The following TGFBR2 variants were observed in gnomAD, a reference collection of about 807,000 sequenced individuals.
TGFBR2 encodes transforming growth factor beta receptor 2.
A neutral mutation model predicts 49.0 loss-of-function variants in TGFBR2; 18 were observed. That is an observed-to-expected ratio of 0.37 (90% CI 0.25 to 0.54). The LOEUF (loss-of-function observed/expected upper bound fraction) is 0.54, where lower values mean the gene tolerates loss of function less well. TGFBR2 is among the 20% of genes least tolerant of loss of function. The pLI is 0.85. For missense variants in TGFBR2, 525 were observed against 722.6 expected (o/e 0.73, Z 3.13); for synonymous variants, 282 against 275.9 (o/e 1.02, Z -0.22).
Position 30,691,568 on chromosome 3 carries a change from C to T in TGFBR2, c.1673C>T (p.Pro558Leu). ...SGRSCSEEKI[P>L]EDGSLNTTK ...AGGAGCTGCTCGGAGGAGAAGATTC[C>T]TGAAGACGGCTCCCTAAACACTACC... The change falls in exon 7 of 7, where the codon CCT becomes CTT. Residue 558 changes from proline to leucine, a missense_variant. Around this residue, in one of 3 missense-constraint regions of TGFBR2, gnomAD observed 104 missense variants for 133.4 expected, o/e 0.78. Transcript: ENST00000295754. 1.9e-6 allele frequency: 3 copies of T among 1,614,128 alleles called. No homozygotes were observed. Among genetic ancestry groups the T allele is most frequent in the Non-Finnish European group, 8.5e-7 (1 of 1,179,992 alleles).
chr3:30,640,665 A>G (rs1185695948), intron 1 of TGFBR2, among the ~76,000 whole-genome samples: 1 of 150,742 alleles, frequency 6.6e-6, no homozygotes, highest in Non-Finnish European at 1.5e-5. Flanking sequence ...TTTTAAAAAA[A>G]TATTTTGCAT....
At chr3:30,654,885 G>A (rs1698965497) in intron 3 of TGFBR2, among the ~76,000 whole-genome samples, 1 of 152,194 alleles carries the variant, frequency 6.6e-6, no homozygotes, top group Non-Finnish European at 1.5e-5. Context: ...GTTTCCAAGT[G>A]CAGTCAGACA....
In TGFBR2 at chr3:30,672,480, G is replaced by T; in HGVS notation, c.1254+43G>T. The stretch of plus-strand genomic sequence containing the variant: ...CTAGATCCCCTTTACCTTGAGCCTG[G>T]CCTCACCCTACCTCTTGATCCATAT... On this transcript the variant is annotated intron_variant, in intron 4 of 6. Coordinates refer to ENST00000295754, the MANE Select transcript of TGFBR2 (RefSeq NM_003242.6). The surrounding 1 kb of genome is among the most constrained non-coding windows in gnomAD (Gnocchi z 4.5). 1.9e-6 allele frequency: 3 copies of T among 1,596,018 alleles called. No individual in the cohort carries two copies. The highest frequency in any genetic ancestry group is 2.6e-6 in the Non-Finnish European group (3 of 1,163,766).
At chr3:30,607,366 C>G (rs1324449885) in intron 1 of TGFBR2, among the ~76,000 whole-genome samples, 1 of 152,200 alleles carries the variant, frequency 6.6e-6, no homozygotes, top group African/African-American at 2.4e-5. Context: ...GCACCTGGGC[C>G]ACTCCGCCCA....
chr3:30,669,280 G>A (rs1575156433), intron 3 of TGFBR2, among the ~76,000 whole-genome samples: 1 of 151,514 alleles, frequency 6.6e-6, no homozygotes, highest in Non-Finnish European at 1.5e-5. Flanking sequence ...AAAAAAAAAA[G>A]AAAGTATCAG....
chr3:30,646,685 T>TA (rs1044388632), intron 2 of TGFBR2, among the ~76,000 whole-genome samples: 1 of 152,072 alleles, frequency 6.6e-6, no homozygotes, highest in African/African-American at 2.4e-5. Flanking sequence ...TGGATGACCA[T>TA]ATGTCAAATA....
At chr3:30,666,372 C>T (rs1699243152) in intron 3 of TGFBR2, among the ~76,000 whole-genome samples, 1 of 152,084 alleles carries the variant, frequency 6.6e-6, no homozygotes, top group African/African-American at 2.4e-5. Context: ...GGGGGTTCTC[C>T]TTCACATAAA....
At chr3:30,690,466 G>A (rs929741751) in intron 6 of TGFBR2, among the ~76,000 whole-genome samples, 17 of 152,174 alleles carry the variant, frequency 1.1e-4, no homozygotes, top group Non-Finnish European at 2.2e-4. Flanking sequence ...CTGTTTCACA[G>A]GGTTCAACCC....
At chr3:30,682,198 A>G (rs1405751811) in intron 5 of TGFBR2, among the ~76,000 whole-genome samples, 2 of 152,220 alleles carry the variant, frequency 1.3e-5, no homozygotes, top group African/African-American at 4.8e-5. Context: ...GCAGCATCAC[A>G]CTGAATAATT....
At chr3:30,668,743 A>G (rs1016084442) in intron 3 of TGFBR2, among the ~76,000 whole-genome samples, 2 of 151,984 alleles carry the variant, frequency 1.3e-5, no homozygotes, top group Non-Finnish European at 2.9e-5. Flanking sequence ...TACTTTTAAA[A>G]TGCATTCATA....
chr3:30,628,095 G>A lies in TGFBR2; in HGVS notation c.95-16652G>A, dbSNP rs1435614793. ...ACTGCAATTATAATACTTTATTGTAGGAGGATGCAGCCAGGCCTTTTTTTT... is the reference window on the plus strand; with the variant it reads ...ACTGCAATTATAATACTTTATTGTAAGAGGATGCAGCCAGGCCTTTTTTTT... On this transcript the variant is annotated intron_variant, in intron 1 of 6. Coordinates refer to ENST00000295754, the MANE Select transcript of TGFBR2 (RefSeq NM_003242.6). 5.5e-5 allele frequency among the ~76,000 whole-genome samples: 8 copies of A among 145,638 alleles called. No homozygotes were observed. In the Admixed American group the frequency reaches 5.6e-4, roughly 10 times the overall value.
chr3:30,651,454 C>T (rs967444357), intron 3 of TGFBR2, among the ~76,000 whole-genome samples: 1 of 152,218 alleles, frequency 6.6e-6, no homozygotes, highest in Non-Finnish European at 1.5e-5. Flanking sequence ...GTACAACTAT[C>T]TGATCATACT....
chr3:30,662,842 A>G (rs982596709), intron 3 of TGFBR2, among the ~76,000 whole-genome samples: 5 of 152,230 alleles, frequency 3.3e-5, no homozygotes, highest in Admixed American at 6.5e-5. Flanking sequence ...AAGCATCTCT[A>G]TGGCAGAGTA....
chr3:30,678,762 G>C (rs565410868), intron 5 of TGFBR2, among the ~76,000 whole-genome samples: 32 of 152,194 alleles, frequency 2.1e-4, no homozygotes, highest in African/African-American at 6.0e-4. Context: ...AGAGTCCCTA[G>C]TTGTATTGAT....
At chr3:30,626,416 T>TG in intron 1 of TGFBR2, 1 of 152,366 alleles carries the variant, frequency 6.6e-6, no homozygotes. Flanking sequence ...GGGCTGGTAG[T>TG]GGGGGGAATG....
rs546288041 is a variant in TGFBR2 at position 30,666,315 on chromosome 3, C to G, written c.455-5323C>G. 3.3e-5 allele frequency among the ~76,000 whole-genome samples: 5 copies of G among 152,274 alleles called. No individual in the cohort carries two copies. The South Asian group carries it at 1.0e-3, about 32-fold the overall frequency. On this transcript the variant is annotated intron_variant, in intron 3 of 6. Coordinates refer to ENST00000295754, the MANE Select transcript of TGFBR2 (RefSeq NM_003242.6). ...TGCAACAATTATGTTTTGAGCTCTG[C>G]TAAGATCTAGGCCATGAGAATAGGC...
At chr3:30,630,841 C>T (rs1698423211) in intron 1 of TGFBR2, among the ~76,000 whole-genome samples, 1 of 152,068 alleles carries the variant, frequency 6.6e-6, no homozygotes, top group South Asian at 2.1e-4. Flanking sequence ...AACAAAGCAC[C>T]ATCTTGGAAG....
At chr3:30,689,235 G>T (rs531176971) in intron 6 of TGFBR2, among the ~76,000 whole-genome samples, 5 of 152,244 alleles carry the variant, frequency 3.3e-5, no homozygotes, top group Non-Finnish European at 7.4e-5. Context: ...GTTTGTTTGG[G>T]GGCACTTTGA....
chr3:30,627,415 A>T (rs535050276), intron 1 of TGFBR2, among the ~76,000 whole-genome samples: 1 of 151,992 alleles, frequency 6.6e-6, no homozygotes. Context: ...TGCCATTTTA[A>T]TGTACTTGAA....
Sources: gnomAD v4.1 joint callset for allele counts (sites outside exome capture counted in the v4.1 genomes callset) on GRCh38, gnomAD v4.1.1 for gene constraint, gnomAD v4.1.1 regional missense constraint, Gnocchi (gnomAD v3.1) non-coding constraint, MANE v1.5 for transcripts, NCBI Gene and HGNC (gene_info 2026-07-23, HGNC 2026-07-21) for gene names.